The following XIST variants were observed in gnomAD, a reference collection of about 807,000 sequenced individuals.
XIST encodes X inactive specific transcript (non-protein coding).
exon 6 of XIST, chrX:73,822,453 G>A (rs1411968549): frequency 7.8e-6 from 4 of 512,189 alleles, no homozygotes; most frequent in African/African-American, 7.0e-5. Flanking sequence ...CATGTCTCTG[G>A]GGCCAAAAAC....
Position 73,833,375 on chromosome X carries a change from C to T in XIST, n.11407-1G>A. The T allele has an allele frequency of 3.6e-6, 2 of 548,926 alleles. No individual in the cohort carries two copies. The highest frequency in any genetic ancestry group is 3.3e-6 in the Non-Finnish European group (1 of 304,519). The allele number at this position is 548,926 out of a possible 1,213,427, so 45.2% of individuals were successfully genotyped here. A position where few individuals can be genotyped will look rare whatever the true frequency, so the allele number is the denominator to read the frequency against. Reference sequence around the variant, plus strand: ...TCAGGTCTCACATGCTCAGAATGTCCTTAAGAAGAAAGACAGGGTTCAGTA... The same window carrying T: ...TCAGGTCTCACATGCTCAGAATGTCTTTAAGAAGAAAGACAGGGTTCAGTA... On this transcript the variant is annotated splice_acceptor_variant and non_coding_transcript_variant, in intron 2 of 5. Transcript: ENST00000429829.
At position 73,842,483 on chromosome X, in the gene XIST, A is replaced by G. The variant is rs1437248800; in HGVS notation, n.10241T>C. 4 of 554,049 alleles carry G rather than the reference A, an allele frequency of 7.2e-6. No individual in the cohort carries two copies. The Admixed American group carries it at 9.0e-5, about 12-fold the overall frequency. The allele number at this position is 554,049 out of a possible 1,213,427, so 45.7% of individuals were successfully genotyped here. On this transcript the variant is annotated non_coding_transcript_exon_variant, in exon 1 of 6. Transcript: ENST00000429829. ...CCAGAATCTGACAATAATTGAAACTAGGATCATTAATAAATGAAAGAAAAT... is the reference window on the plus strand; with the variant it reads ...CCAGAATCTGACAATAATTGAAACTGGGATCATTAATAAATGAAAGAAAAT...
exon 6 of XIST, chrX:73,823,623 A>C (rs768591797): frequency 2.0e-5 from 11 of 556,594 alleles, no homozygotes; most frequent in Non-Finnish European, 3.2e-5. Context: ...ATTCACTTTT[A>C]TCATCAGCAC....
exon 6 of XIST, chrX:73,821,397 A>T (rs1281265303): frequency 1.8e-6 from 1 of 555,501 alleles, no homozygotes; most frequent in African/African-American, 2.2e-5. Flanking sequence ...CAGCTTTAAG[A>T]TAATCTTATG....
chrX:73,842,325 T>C lies in XIST; in HGVS notation n.10399A>G, dbSNP rs988852099. ...CAGAGAAAGTGCCAACCTTCCTTCC[T>C]GGGGAGACAATTTTATAGTGTACAC... On this transcript the variant is annotated non_coding_transcript_exon_variant, in exon 1 of 6. Transcript: ENST00000429829. 5 of 552,868 alleles carry C rather than the reference T, an allele frequency of 9.0e-6. No individual in the cohort carries two copies. In the African/African-American group the frequency reaches 1.1e-4, roughly 12 times the overall value. The allele number at this position is 552,868 out of a possible 1,213,427, so 45.6% of individuals were successfully genotyped here. A position where few individuals can be genotyped will look rare whatever the true frequency, so the allele number is the denominator to read the frequency against.
At chrX:73,851,765 G>C (rs768583371) in exon 1 of XIST, 1 of 558,805 alleles carries the variant, frequency 1.8e-6, no homozygotes, top group East Asian at 3.2e-5. Flanking sequence ...TGCCTCCCTA[G>C]TTTAACTTAG....
At chrX:73,826,299 G>A (rs760470180) in exon 6 of XIST, 1 of 558,946 alleles carries the variant, frequency 1.8e-6, no homozygotes, top group African/African-American at 2.2e-5. Flanking sequence ...GGCTTCTGGG[G>A]TCAAAAGAAA....
chrX:73,847,404 C>T, exon 1 of XIST: 2 of 493,174 alleles, frequency 4.1e-6, no homozygotes, highest in Non-Finnish European at 7.2e-6. Flanking sequence ...AATTGTCTTA[C>T]TTTTTTTTTT....
chrX:73,850,734 G>A (rs1569512875), exon 1 of XIST: 2 of 244,352 alleles, frequency 8.2e-6, no homozygotes, highest in Non-Finnish European at 1.5e-5. Context: ...GGGGTGGGGG[G>A]TGGGGGTGGG....
exon 6 of XIST, chrX:73,820,894 T>C (rs1209178185): frequency 1.8e-6 from 1 of 559,375 alleles, no homozygotes; most frequent in Middle Eastern, 3.1e-4. Flanking sequence ...AGAAGGACAA[T>C]GACGAAGCCA....
exon 6 of XIST, chrX:73,826,092 C>T (rs747145087): frequency 1.1e-5 from 6 of 559,060 alleles, no homozygotes; most frequent in Non-Finnish European, 1.9e-5. Context: ...ACTAGAAATC[C>T]CAAACCCCAG....
chrX:73,851,854 CCTTAG>C (rs773953351), exon 1 of XIST: 1 of 556,481 alleles, frequency 1.8e-6, no homozygotes, highest in African/African-American at 2.2e-5. Flanking sequence ...CTGAACACGC[CCTTAG>C]CTTAACTGCA....
chrX:73,842,528 T>C (rs1603361903), exon 1 of XIST: 3 of 558,426 alleles, frequency 5.4e-6, no homozygotes, highest in Non-Finnish European at 9.7e-6. Context: ...CTTATCCACC[T>C]AGTTCAGGCC....
intron 2 of XIST, among the ~76,000 whole-genome samples, chrX:73,834,536 G>T (rs1922444446): frequency 8.9e-6 from 1 of 112,132 alleles, no homozygotes; most frequent in Non-Finnish European, 1.9e-5. Flanking sequence ...ATTTCACTAG[G>T]GTTCAATATT....
chrX:73,821,254 T>C, exon 6 of XIST: 1 of 556,902 alleles, frequency 1.8e-6, no homozygotes, highest in Non-Finnish European at 3.2e-6. Context: ...CCAATCATAC[T>C]TTGACATTTA....
chrX:73,825,360 T>G (rs750893850), exon 6 of XIST: 2 of 559,089 alleles, frequency 3.6e-6, no homozygotes, highest in Admixed American at 4.4e-5. Context: ...GAGCACTTTT[T>G]TATGCTTGCT....
chrX:73,841,195 A>G, intron 1 of XIST: 1 of 331,358 alleles, frequency 3.0e-6, no homozygotes, highest in Non-Finnish European at 5.2e-6. Flanking sequence ...TCTGCTGGTT[A>G]ACTCACATAT....
chrX:73,846,879 G>A (rs1922786074), exon 1 of XIST: 1 of 557,622 alleles, frequency 1.8e-6, no homozygotes, highest in Non-Finnish European at 3.2e-6. Context: ...ATAAAGCAAA[G>A]AGGGTGTGAT....
At chrX:73,848,751 T>G (rs755453527) in exon 1 of XIST, 2 of 558,646 alleles carry the variant, frequency 3.6e-6, no homozygotes, top group Admixed American at 4.4e-5. Flanking sequence ...GCATATCAAC[T>G]GTTTAAGAGA....
Sources: allele counts gnomAD v4.1 joint callset (sites outside exome capture counted in the v4.1 genomes callset), GRCh38; gene constraint gnomAD v4.1.1; transcripts MANE v1.5; gene names NCBI Gene and HGNC (gene_info 2026-07-23, HGNC 2026-07-21).